AKT3: variants seen among roughly 807,000 people sequenced by gnomAD.
AKT3 encodes the protein AKT serine/threonine kinase 3.
AKT3 carries 15 observed loss-of-function variants against 65.3 expected under a neutral mutation model. The observed-to-expected ratio is 0.23, with a 90% CI of 0.15 to 0.35. The LOEUF (loss-of-function observed/expected upper bound fraction) is 0.35. AKT3 is among the 10% of genes least tolerant of loss of function. AKT3 has a pLI of 1.00. For missense variants in AKT3, 243 were observed against 576.5 expected, an observed-to-expected ratio of 0.42 and a Z score of 5.92; for synonymous variants, 206 against 183.8, an observed-to-expected ratio of 1.12 and a Z score of -0.98.
intron 2 of AKT3, among the ~76,000 whole-genome samples, chr1:243,704,822 T>A (rs759887082): frequency 1.3e-5 from 2 of 152,202 alleles, no homozygotes; most frequent in Non-Finnish European, 2.9e-5. Flanking sequence ...ATTCTTGTCT[T>A]TCTCACTGAT....
intron 10 of AKT3, among the ~76,000 whole-genome samples, chr1:243,560,577 T>C (rs1359208319): frequency 6.6e-6 from 1 of 152,114 alleles, no homozygotes; most frequent in Non-Finnish European, 1.5e-5. Context: ...AGATTTGAAT[T>C]ATGAATCAAT....
intron 10 of AKT3, among the ~76,000 whole-genome samples, chr1:243,557,395 C>A (rs1398616997): frequency 6.6e-6 from 1 of 151,894 alleles, no homozygotes; most frequent in African/African-American, 2.4e-5. Flanking sequence ...GTACTGAATG[C>A]AAATATTCTG....
intron 1 of AKT3, among the ~76,000 whole-genome samples, chr1:243,848,328 T>C (rs533755602): frequency 6.6e-6 from 1 of 152,238 alleles, no homozygotes; most frequent in Non-Finnish European, 1.5e-5. Context: ...ATATCTTGCA[T>C]ATAATTGTGC....
intron 2 of AKT3, among the ~76,000 whole-genome samples, chr1:243,800,095 A>G (rs1169940741): frequency 6.6e-6 from 1 of 152,146 alleles, no homozygotes; most frequent in African/African-American, 2.4e-5. Context: ...TCCTTCTCTT[A>G]AACATGTTCA....
chr1:243,523,286 C>CACACACACACACACACAA (rs1397293176), intron 12 of AKT3, among the ~76,000 whole-genome samples: 4 of 151,238 alleles, frequency 2.6e-5, no homozygotes, highest in African/African-American at 9.7e-5. Context: ...CACACACACA[C>CACACACACACACACACAA]ACACACACAC....
intron 2 of AKT3, among the ~76,000 whole-genome samples, chr1:243,743,260 C>T (rs1223406349): frequency 6.6e-6 from 1 of 152,176 alleles, no homozygotes; most frequent in Non-Finnish European, 1.5e-5. Flanking sequence ...ATACCCTCTA[C>T]AATGCCTAAT....
intron 3 of AKT3, among the ~76,000 whole-genome samples, chr1:243,667,710 G>A (rs984394454): frequency 2.0e-5 from 3 of 152,116 alleles, no homozygotes; most frequent in Admixed American, 6.5e-5. Flanking sequence ...CAGTGTTTCA[G>A]TTCACTAAGA....
chr1:243,672,454 A>G (rs957597178), intron 3 of AKT3, among the ~76,000 whole-genome samples: 11 of 152,236 alleles, frequency 7.2e-5, no homozygotes, highest in Non-Finnish European at 1.0e-4. Flanking sequence ...CAAACTCAAC[A>G]TATCTCTCTC....
In AKT3 at chr1:243,616,022, GT is replaced by G. The variant is rs913495198; in HGVS notation, c.562-862del. 2.5e-4 allele frequency among the ~76,000 whole-genome samples: 38 copies of G among 151,510 alleles called. 1 individual carries two copies. Among genetic ancestry groups the G allele is most frequent in the African/African-American group, 8.0e-4 (33 of 41,272 alleles). On this transcript the variant is annotated intron_variant, in intron 6 of 13. Coordinates refer to ENST00000673466, the MANE Select transcript of AKT3 (RefSeq NM_005465.7). Reference sequence around the variant, plus strand: ...TCCCAAGTAGCAGAGACTACAGGTTGTTTTTTTTCCTTTGGTTGGGGGCGTG... The same window carrying G: ...TCCCAAGTAGCAGAGACTACAGGTTGTTTTTTTCCTTTGGTTGGGGGCGTG...
intron 2 of AKT3, among the ~76,000 whole-genome samples, chr1:243,820,018 G>A (rs188356872): frequency 0.01 from 1,548 of 152,148 alleles, 21 homozygotes; most frequent in African/African-American, 0.036. Context: ...TCCCAGGTTC[G>A]AGCAATTCTC....
At chr1:243,557,854 T>C (rs563605451) in intron 10 of AKT3, among the ~76,000 whole-genome samples, 1 of 151,964 alleles carries the variant, frequency 6.6e-6, no homozygotes, top group Admixed American at 6.6e-5. Flanking sequence ...TATCAATAAG[T>C]AAATAAAATG....
chr1:243,512,397 T>C lies in AKT3; in HGVS notation c.1281A>G (p.Thr427=), dbSNP rs772312714. The C allele has an allele frequency of 3.8e-6, 6 of 1,591,652 alleles. No homozygotes were observed. Among genetic ancestry groups the C allele is most frequent in the Admixed American group, 1.7e-5 (1 of 57,190 alleles). ...KLVPPFKPQV[T]SETDTRYFDE... is the part of the protein sequence containing the mutation. ...CAAAATATCTAGTATCTGTCTCAGA[T>C]GTTACTTGAGGTTTAAAAGGAGGTA... The change falls in exon 13 of 14, where the codon ACA becomes ACG. Residue 427 remains threonine, a synonymous_variant. Coordinates refer to ENST00000673466, the MANE Select transcript of AKT3 (RefSeq NM_005465.7).
At chr1:243,541,519 G>C (rs1672319640) in intron 12 of AKT3, among the ~76,000 whole-genome samples, 1 of 151,728 alleles carries the variant, frequency 6.6e-6, no homozygotes. Context: ...GCTGAAATCA[G>C]TCGCGTCCTC....
intron 5 of AKT3, among the ~76,000 whole-genome samples, chr1:243,642,531 G>T (rs12048114): frequency 2.6e-5 from 4 of 151,494 alleles, no homozygotes; most frequent in Middle Eastern, 3.4e-3. Flanking sequence ...GGATGGTCTC[G>T]ATCTCCTGAC....
chr1:243,660,116 C>G (rs1484127737), intron 4 of AKT3, among the ~76,000 whole-genome samples: 2 of 151,848 alleles, frequency 1.3e-5, no homozygotes, highest in Non-Finnish European at 2.9e-5. Context: ...GTCCTGGACT[C>G]TTTTTCGTTG....
At chr1:243,664,679 T>G (rs1682646930) in intron 4 of AKT3, 93 bp downstream of exon 4, 1 of 428,200 alleles carries the variant, frequency 2.3e-6, no homozygotes, top group Non-Finnish European at 3.8e-6. Context: ...AAAAATATAT[T>G]TATATATATT....
intron 1 of AKT3, among the ~76,000 whole-genome samples, chr1:243,849,500 C>A (rs1401286225): frequency 6.6e-6 from 1 of 151,778 alleles, no homozygotes; most frequent in Non-Finnish European, 1.5e-5. Flanking sequence ...CACCCCACCC[C>A]ACGCGCAGAC....
At chr1:243,592,178 A>G (rs1676274952) in intron 8 of AKT3, among the ~76,000 whole-genome samples, 2 of 152,082 alleles carry the variant, frequency 1.3e-5, no homozygotes, top group Admixed American at 6.5e-5. Flanking sequence ...TACTAAAAAT[A>G]CAAAAAATTA....
chr1:243,621,544 T>C (rs181554892), intron 6 of AKT3, among the ~76,000 whole-genome samples: 108 of 152,316 alleles, frequency 7.1e-4, no homozygotes, highest in Non-Finnish European at 1.5e-3. Context: ...ATGGCTCTAA[T>C]ACAGGATATA....
Sources: allele counts gnomAD v4.1 joint callset (sites outside exome capture counted in the v4.1 genomes callset), GRCh38; gene constraint gnomAD v4.1.1; transcripts MANE v1.5; gene names NCBI Gene and HGNC (gene_info 2026-07-23, HGNC 2026-07-21).